The following MPZL1 variants were observed in gnomAD, a reference collection of about 807,000 sequenced individuals.
MPZL1 encodes myelin protein zero-like protein 1.
MPZL1 carries 16 observed loss-of-function variants against 29.3 expected under a neutral mutation model. The observed-to-expected ratio is 0.55, with a 90% CI of 0.37 to 0.83. The LOEUF (loss-of-function observed/expected upper bound fraction) is 0.83. Among genes scored for constraint, MPZL1 ranks in the 40% least tolerant of loss-of-function variants. The probability of loss-of-function intolerance (pLI) is 0.00; values close to 1 mark genes in which losing one functional copy is unlikely to be tolerated. For missense variants in MPZL1, 279 were observed against 332.9 expected, an observed-to-expected ratio of 0.84 and a Z score of 1.26; for synonymous variants, 143 against 132.0, an observed-to-expected ratio of 1.08 and a Z score of -0.57.
At chr1:167,778,132 C>A (rs1661411286) in intron 5 of MPZL1, among the ~76,000 whole-genome samples, 1 of 152,054 alleles carries the variant, frequency 6.6e-6, no homozygotes, top group Non-Finnish European at 1.5e-5. Flanking sequence ...ACCAACTTGA[C>A]CAACATGGTG....
At chr1:167,742,766 G>A (rs965733916) in intron 1 of MPZL1, among the ~76,000 whole-genome samples, 2 of 152,102 alleles carry the variant, frequency 1.3e-5, no homozygotes, top group African/African-American at 4.8e-5. Flanking sequence ...TATAGTTTCA[G>A]GTCTTAGATT....
rs1478078604 is a variant in MPZL1, at chr1:167,789,017, A to G, written c.*1096A>G. ...AGTTGCACCACTGCAGCTGGCAAGA[A>G]TCACCTTCTTTATAAAGCGTCAGTC... On this transcript the variant is annotated 3_prime_UTR_variant, in exon 6 of 6. Transcript: ENST00000359523. The G allele has an allele frequency of 6.6e-6, 1 of 152,008 alleles. No homozygotes were observed. Among genetic ancestry groups the G allele is most frequent in the Non-Finnish European group, 1.5e-5 (1 of 68,012 alleles). 9.4% of individuals were successfully genotyped at this position (152,008 alleles called of 1,614,324 possible).
At chr1:167,785,861 TGGCTC>T (rs1238704110) in intron 5 of MPZL1, among the ~76,000 whole-genome samples, 2 of 152,198 alleles carry the variant, frequency 1.3e-5, no homozygotes, top group East Asian at 3.8e-4. Context: ...GGCGCTATCT[TGGCTC>T]ACTGTAAGCT....
At chr1:167,731,163 C>T (rs1264353590) in intron 1 of MPZL1, among the ~76,000 whole-genome samples, 2 of 152,008 alleles carry the variant, frequency 1.3e-5, no homozygotes, top group East Asian at 1.9e-4. Flanking sequence ...GGCCGGGTGC[C>T]GTGGCTCGCG....
chr1:167,738,871 C>T (rs1158790618), intron 1 of MPZL1, among the ~76,000 whole-genome samples: 1 of 152,120 alleles, frequency 6.6e-6, no homozygotes, highest in Non-Finnish European at 1.5e-5. Flanking sequence ...AATTAAACCT[C>T]TTTTCTTAAT....
chr1:167,786,971 C>T (rs903245974), intron 5 of MPZL1: 1 of 152,148 alleles, frequency 6.6e-6, no homozygotes, highest in Non-Finnish European at 1.5e-5. Flanking sequence ...ACCTCTTCCC[C>T]CAACAGTTAG....
intron 1 of MPZL1, among the ~76,000 whole-genome samples, chr1:167,760,769 G>GTC (rs1190094863): frequency 7.4e-6 from 1 of 134,968 alleles, no homozygotes; most frequent in Admixed American, 7.9e-5. Context: ...GTGTGTGTGT[G>GTC]TGTGTGTGTG....
intron 5 of MPZL1, among the ~76,000 whole-genome samples, chr1:167,778,296 T>C (rs1661413781): frequency 6.7e-6 from 1 of 150,228 alleles, no homozygotes; most frequent in South Asian, 2.1e-4. Flanking sequence ...CACTCCAGCC[T>C]GGGTGACAGA....
At chr1:167,773,495 C>T in intron 4 of MPZL1, 127 bp downstream of exon 4, 2 of 1,182,432 alleles carry the variant, frequency 1.7e-6, no homozygotes, top group Non-Finnish European at 2.3e-6. Flanking sequence ...CAGAATCAGG[C>T]AGTCTCCTTA....
At chr1:167,755,172 G>A (rs551863664) in intron 1 of MPZL1, among the ~76,000 whole-genome samples, 21 of 152,286 alleles carry the variant, frequency 1.4e-4, no homozygotes, top group African/African-American at 5.1e-4. Flanking sequence ...GTAGGCATCA[G>A]TATTTTTAAA....
chr1:167,769,707 A>G (rs752147976), intron 2 of MPZL1, among the ~76,000 whole-genome samples: 1 of 152,232 alleles, frequency 6.6e-6, no homozygotes, highest in Non-Finnish European at 1.5e-5. Flanking sequence ...GTCATATGAA[A>G]TGCAGGGTAA....
intron 1 of MPZL1, among the ~76,000 whole-genome samples, chr1:167,746,937 T>C (rs1482818936): frequency 1.3e-5 from 2 of 152,222 alleles, no homozygotes; most frequent in African/African-American, 2.4e-5. Context: ...GGGAATTTGA[T>C]CCTTCATAGC....
intron 1 of MPZL1, among the ~76,000 whole-genome samples, chr1:167,739,757 A>T (rs1419952398): frequency 2.0e-5 from 3 of 152,094 alleles, no homozygotes; most frequent in Non-Finnish European, 4.4e-5. Context: ...TATCCCTGTT[A>T]ACTACAGTCA....
At position 167,789,511 on chromosome 1, in the gene MPZL1, G is replaced by C. The variant is rs745676682; in HGVS notation, c.*1590G>C. 1 of 152,156 alleles carries C rather than the reference G, an allele frequency of 6.6e-6. No individual in the cohort carries two copies. Among genetic ancestry groups the C allele is most frequent in the Non-Finnish European group, 1.5e-5 (1 of 68,046 alleles). 9.4% of individuals were successfully genotyped at this position (152,156 alleles called of 1,614,324 possible). On this transcript the variant is annotated 3_prime_UTR_variant, in exon 6 of 6. Transcript: ENST00000359523. ...CTGAGTTCCAACAGAATTCACAAAGGGAATAAAACAGGATTGAGATTTTGA... is the reference window on the plus strand; with the variant it reads ...CTGAGTTCCAACAGAATTCACAAAGCGAATAAAACAGGATTGAGATTTTGA...
chr1:167,744,148 G>C (rs1660593924), intron 1 of MPZL1, among the ~76,000 whole-genome samples: 1 of 151,974 alleles, frequency 6.6e-6, no homozygotes, highest in Non-Finnish European at 1.5e-5. Flanking sequence ...TTTGAAGTCG[G>C]TACTATTAGA....
intron 1 of MPZL1, among the ~76,000 whole-genome samples, chr1:167,739,310 C>CATACCT (rs68082264): frequency 9.9e-6 from 1 of 101,374 alleles, no homozygotes; most frequent in Admixed American, 1.0e-4. Context: ...TATATATATA[C>CATACCT]ACATATATAT....
intron 1 of MPZL1, among the ~76,000 whole-genome samples, chr1:167,729,832 T>C (rs1486106529): frequency 1.3e-5 from 2 of 152,216 alleles, no homozygotes; most frequent in African/African-American, 4.8e-5. Context: ...TATATACTCC[T>C]CACAGCTCTG....
intron 1 of MPZL1, among the ~76,000 whole-genome samples, chr1:167,751,737 A>G (rs547489927): frequency 3.3e-5 from 5 of 152,030 alleles, no homozygotes; most frequent in African/African-American, 9.7e-5. Context: ...TATCCCTCAC[A>G]TATCTAAAGT....
At position 167,765,743 on chromosome 1, in the gene MPZL1, T is replaced by C; in HGVS notation, c.252T>C (p.Thr84=). Residue 84 remains threonine (T), a synonymous_variant, in exon 2 of 6, where the codon ACT becomes ACC. Transcript: ENST00000359523. ...WSFQPEGADT[T]VSFFHYSQGQ... ...TCCAGCCAGAGGGGGCCGACACTAC[T>C]GTGTCGGTAAGAATGCTTGACTTCT... The C allele has an allele frequency of 3.1e-6, 5 of 1,603,498 alleles. No homozygotes were observed. The highest frequency in any genetic ancestry group is 4.3e-6 in the Non-Finnish European group (5 of 1,175,576).
Sources: gnomAD v4.1 joint callset for allele counts (sites outside exome capture counted in the v4.1 genomes callset) on GRCh38, gnomAD v4.1.1 for gene constraint, MANE v1.5 for transcripts, NCBI Gene and HGNC (gene_info 2026-07-23, HGNC 2026-07-21) for gene names.